The following PLEKHM3 variants were observed in gnomAD, a reference collection of about 807,000 sequenced individuals.
PLEKHM3 encodes pleckstrin homology domain-containing family M member 3.
In PLEKHM3, 45 loss-of-function variants were observed where a neutral mutation model predicts 81.8. The ratio of observed to expected loss-of-function variants is 0.55; its 90% CI spans 0.43 to 0.71. The LOEUF (loss-of-function observed/expected upper bound fraction) is 0.71. Ranked by LOEUF, PLEKHM3 falls within the 30% of genes least tolerant of loss-of-function variation. The pLI is 0.00. For missense variants in PLEKHM3, 788 were observed against 924.3 expected, an observed-to-expected ratio of 0.85 and a Z score of 1.91; for synonymous variants, 352 against 356.4, an observed-to-expected ratio of 0.99 and a Z score of 0.14.
At chr2:207,870,692 G>T (rs2092529011) in intron 6 of PLEKHM3, among the ~76,000 whole-genome samples, 1 of 152,226 alleles carries the variant, frequency 6.6e-6, no homozygotes, top group Non-Finnish European at 1.5e-5. Context: ...TTCATGGGAA[G>T]TTAGGAAAAA....
intron 4 of PLEKHM3, among the ~76,000 whole-genome samples, chr2:207,939,546 T>C (rs913665768): frequency 2.6e-5 from 4 of 152,252 alleles, no homozygotes; most frequent in East Asian, 3.9e-4. Flanking sequence ...CTGTATACAA[T>C]TGTAGTCAAA....
intron 7 of PLEKHM3, among the ~76,000 whole-genome samples, chr2:207,840,377 T>C (rs907748251): frequency 1.3e-5 from 2 of 152,010 alleles, no homozygotes; most frequent in African/African-American, 4.8e-5. Flanking sequence ...CCATTGTTTT[T>C]GCAGAGACAA....
intron 1 of PLEKHM3, among the ~76,000 whole-genome samples, chr2:208,005,133 T>C (rs566865430): frequency 1.3e-5 from 2 of 152,324 alleles, no homozygotes; most frequent in South Asian, 4.1e-4. Context: ...CCAACAGTTT[T>C]ATATCTATAA....
chr2:207,830,175 T>C (rs562648040), intron 7 of PLEKHM3, among the ~76,000 whole-genome samples: 1 of 152,140 alleles, frequency 6.6e-6, no homozygotes, highest in African/African-American at 2.4e-5. Flanking sequence ...ATACAGGTGG[T>C]GAGGCCAGCC....
chr2:207,957,833 T>C (rs1690570518), intron 3 of PLEKHM3, among the ~76,000 whole-genome samples: 3 of 152,236 alleles, frequency 2.0e-5, no homozygotes, highest in Admixed American at 2.0e-4. Flanking sequence ...CCTTGACCTT[T>C]GGTAGCACAG....
chr2:207,856,159 T>C (rs915193592), intron 7 of PLEKHM3, among the ~76,000 whole-genome samples: 4 of 152,198 alleles, frequency 2.6e-5, no homozygotes, highest in African/African-American at 4.8e-5. Flanking sequence ...TTATTAATAA[T>C]AGACTATTTT....
rs758582610 is a variant in PLEKHM3, at chr2:207,976,894, G to A, written c.1303C>T (p.Arg435Cys). The A allele has an allele frequency of 4.3e-6, 7 of 1,614,200 alleles. No homozygotes were observed. The highest frequency in any genetic ancestry group is 1.1e-5 in the South Asian group (1 of 91,078). Residue 435 changes from arginine (R) to cysteine (C), a missense_variant, in exon 3 of 8, where the codon CGC (arginine) becomes TGC (cysteine). By Grantham distance (180) the Arg-to-Cys change is radical. Coordinates refer to ENST00000427836, the MANE Select transcript of PLEKHM3 (RefSeq NM_001080475.3). This position sits in a 1 kb window ranked among gnomAD's most constrained non-coding sequence, Gnocchi z 4.1. Reference sequence around the variant, plus strand: ...CTCTGTCGGGTCTCAGCTCGGAGGCGAAGGACATCCTGGGGGAAAATGACT... The same window carrying A: ...CTCTGTCGGGTCTCAGCTCGGAGGCAAAGGACATCCTGGGGGAAAATGACT... Reference protein sequence around the residue: ...FQVIFPQDVLRLRAETRQRAQ... With the variant: ...FQVIFPQDVLCLRAETRQRAQ...
chr2:207,992,346 T>A (rs1364019762), intron 2 of PLEKHM3, among the ~76,000 whole-genome samples: 1 of 152,220 alleles, frequency 6.6e-6, no homozygotes, highest in East Asian at 1.9e-4. Flanking sequence ...TAAACTGTTG[T>A]GAGTATTAAC....
chr2:207,832,158 A>G (rs775613735), intron 7 of PLEKHM3, among the ~76,000 whole-genome samples: 14 of 152,238 alleles, frequency 9.2e-5, no homozygotes, highest in Non-Finnish European at 1.9e-4. Context: ...CTGAACAAAA[A>G]GCATGAGATA....
chr2:208,002,125 C>T (rs564367969), intron 1 of PLEKHM3, among the ~76,000 whole-genome samples, 168 bp from the exon 2 acceptor site: 5 of 152,186 alleles, frequency 3.3e-5, no homozygotes, highest in African/African-American at 1.2e-4. Context: ...TATCACTACC[C>T]GCTTTGGATA....
At chr2:207,867,201 C>T (rs775344204) in intron 6 of PLEKHM3, among the ~76,000 whole-genome samples, 7 of 152,124 alleles carry the variant, frequency 4.6e-5, no homozygotes, top group Non-Finnish European at 8.8e-5. Flanking sequence ...CTGTGTGATT[C>T]AAGGAGGAGG....
At chr2:208,005,852 C>T (rs770809449) in intron 1 of PLEKHM3, among the ~76,000 whole-genome samples, 2 of 152,136 alleles carry the variant, frequency 1.3e-5, no homozygotes, top group Admixed American at 6.5e-5. Context: ...GCATTGTTGT[C>T]GCATTGCATA....
At chr2:207,957,428 G>C (rs1186318525) in intron 3 of PLEKHM3, among the ~76,000 whole-genome samples, 1 of 152,226 alleles carries the variant, frequency 6.6e-6, no homozygotes, top group Non-Finnish European at 1.5e-5. Flanking sequence ...GCTGGGCGCG[G>C]TGGCTCACGC....
At chr2:207,867,155 G>T (rs1477889979) in intron 6 of PLEKHM3, among the ~76,000 whole-genome samples, 1 of 152,198 alleles carries the variant, frequency 6.6e-6, no homozygotes, top group Admixed American at 6.5e-5. Flanking sequence ...TCATATCTTA[G>T]GTTGTCTTGT....
chr2:207,914,762 A>G (rs933911977), intron 5 of PLEKHM3, among the ~76,000 whole-genome samples: 1 of 152,162 alleles, frequency 6.6e-6, no homozygotes, highest in African/African-American at 2.4e-5. Context: ...AAAAGCCACA[A>G]ACTAACTGAA....
At chr2:207,844,305 T>A (rs1475413163) in intron 7 of PLEKHM3, among the ~76,000 whole-genome samples, 9 of 25,088 alleles carry the variant, frequency 3.6e-4, no homozygotes, top group Non-Finnish European at 7.4e-4. Context: ...TTATTTTTCT[T>A]TTTTTTTTTT....
At chr2:207,958,007 G>A (rs76014883) in intron 3 of PLEKHM3, among the ~76,000 whole-genome samples, 2,878 of 152,222 alleles carry the variant, frequency 0.019, 93 homozygotes, top group African/African-American at 0.065. Context: ...ACAACAAAGA[G>A]GTATCTGGCC....
chr2:208,004,293 T>C (rs1332188687), intron 1 of PLEKHM3, among the ~76,000 whole-genome samples: 1 of 152,034 alleles, frequency 6.6e-6, no homozygotes, highest in African/African-American at 2.4e-5. Context: ...TGTGCACCTG[T>C]AGTCCCAGCT....
chr2:207,946,275 T>C, intron 4 of PLEKHM3, 92 bp downstream of exon 4: 1 of 1,426,100 alleles, frequency 7.0e-7, no homozygotes. Flanking sequence ...CATATCTGCT[T>C]CAAATTGTTT....
Sources: gnomAD v4.1 joint callset for allele counts (sites outside exome capture counted in the v4.1 genomes callset) on GRCh38, gnomAD v4.1.1 for gene constraint, Gnocchi (gnomAD v3.1) non-coding constraint, MANE v1.5 for transcripts, NCBI Gene and HGNC (gene_info 2026-07-23, HGNC 2026-07-21) for gene names.